EFHB: variants seen among roughly 807,000 people sequenced by gnomAD.
EFHB encodes the protein EF-hand domain family member B.
Under a neutral mutation model 87.2 loss-of-function variants are expected in EFHB, and 91 were observed. The observed-to-expected ratio is 1.04, with a 90% CI of 0.88 to 1.24. EFHB has a LOEUF of 1.24. Among genes scored for constraint, EFHB ranks in the 50% most tolerant of loss-of-function variants. EFHB has a pLI of 0.00. For synonymous variants in EFHB, 325 were observed against 333.6 expected (o/e 0.97, Z 0.28); for missense variants, 1,084 against 998.8 (o/e 1.09, Z -1.15).
Position 19,885,051 on chromosome 3 carries a change from G to A in EFHB, c.1934-436C>T, listed in dbSNP as rs561408737. ...AGCCTGGCCAACATGATGAAACCCC[G>A]TCTCTATTAAAAATATAAAAGTTAG... On this transcript the variant is annotated intron_variant, in intron 10 of 12. Transcript: ENST00000295824. Among the ~76,000 whole-genome samples the A allele has an allele frequency of 5.3e-5, 8 of 151,738 alleles. No homozygotes were observed. In the South Asian group the frequency reaches 8.3e-4, roughly 16 times the overall value.
At position 19,915,290 on chromosome 3, in the gene EFHB, G is replaced by T; in HGVS notation, c.1288+13C>A. 6.3e-7 allele frequency: 1 copy of T among 1,576,820 alleles called. No individual in the cohort carries two copies. Among genetic ancestry groups the T allele is most frequent in the African/African-American group, 1.4e-5 (1 of 73,998 alleles). ...CATATCCTCAGGCCCATTTTGCATCGGAGGACACTTACCTGCATAATAATC... is the reference window on the plus strand; with the variant it reads ...CATATCCTCAGGCCCATTTTGCATCTGAGGACACTTACCTGCATAATAATC... On this transcript the variant is annotated intron_variant, in intron 5 of 12. Coordinates refer to ENST00000295824, the MANE Select transcript of EFHB (RefSeq NM_144715.4).
rs1172072917 is a variant in EFHB, at chr3:19,885,096, C to A, written c.1934-481G>T. Among the ~76,000 whole-genome samples, 3 of 152,060 alleles carry A rather than the reference C, an allele frequency of 2.0e-5. No homozygotes were observed. The East Asian group carries it at 5.8e-4, about 29-fold the overall frequency. Reference sequence around the variant, plus strand: ...AGTTAGTCAGGCATGGTGGCAGGCGCCTGTAACCCCAGCTACTCAGGAGGC... The same window carrying A: ...AGTTAGTCAGGCATGGTGGCAGGCGACTGTAACCCCAGCTACTCAGGAGGC... On this transcript the variant is annotated intron_variant, in intron 10 of 12. Coordinates refer to ENST00000295824, the MANE Select transcript of EFHB (RefSeq NM_144715.4).
intron 10 of EFHB, among the ~76,000 whole-genome samples, chr3:19,886,159 T>C (rs1481488189): frequency 6.6e-6 from 1 of 152,154 alleles, no homozygotes; most frequent in African/African-American, 2.4e-5. Context: ...AGAAGGAAGC[T>C]CTGTCACCCC....
At chr3:19,936,633 C>G (rs1238104102), upstream of EFHB, among the ~76,000 whole-genome samples, 1 of 152,014 alleles carries the variant, frequency 6.6e-6, no homozygotes, top group Non-Finnish European at 1.5e-5. Flanking sequence ...TGTGGGAGGC[C>G]TAGGCGGGTG....
intron 1 of EFHB, chr3:19,940,333 G>C (rs1364737025): frequency 1.2e-5 from 4 of 324,448 alleles, no homozygotes; most frequent in Non-Finnish European, 2.5e-5. Context: ...GAATCCCCTA[G>C]GCATTCCTCC....
At chr3:19,896,903 T>G (rs563000651) in intron 8 of EFHB, 62 bp from the exon 9 acceptor site, 3 of 1,434,426 alleles carry the variant, frequency 2.1e-6, no homozygotes, top group South Asian at 2.9e-5. Flanking sequence ...ATTTCTATCT[T>G]TTAAAAAAAG....
intron 1 of EFHB, among the ~76,000 whole-genome samples, chr3:19,926,596 T>G (rs1013533570): frequency 1.3e-5 from 2 of 151,916 alleles, no homozygotes; most frequent in Non-Finnish European, 2.9e-5. Flanking sequence ...ATCTCCTGAC[T>G]TCGTGATCCC....
chr3:19,897,032 T>C (rs1372976632), intron 8 of EFHB, among the ~76,000 whole-genome samples, 191 bp from the exon 9 acceptor site: 1 of 152,216 alleles, frequency 6.6e-6, no homozygotes, highest in Non-Finnish European at 1.5e-5. Context: ...AAAATTAATA[T>C]TCCTGGTTTA....
intron 1 of EFHB, among the ~76,000 whole-genome samples, chr3:19,923,135 C>T (rs1028430004): frequency 6.6e-6 from 1 of 151,956 alleles, no homozygotes; most frequent in Non-Finnish European, 1.5e-5. Context: ...GGCATGGTGG[C>T]GCATGCCTGT....
intron 6 of EFHB, among the ~76,000 whole-genome samples, chr3:19,902,573 C>T (rs1373884446): frequency 6.6e-6 from 1 of 151,906 alleles, no homozygotes; most frequent in East Asian, 2.0e-4. Context: ...AGGCTGGTCT[C>T]GAACTCCTGA....
rs948609204 is a variant in EFHB, at chr3:19,918,507, C to T, written c.997-95G>A. ...CAATAGCTGGGGAGAGGAGACTGTA[C>T]GATTGTGGGAAAACATTTCATTATC... On this transcript the variant is annotated intron_variant, in intron 3 of 12. Coordinates refer to ENST00000295824, the MANE Select transcript of EFHB (RefSeq NM_144715.4). 6.1e-6 allele frequency: 7 copies of T among 1,143,380 alleles called. No homozygotes were observed. In the Middle Eastern group the frequency reaches 9.2e-4, roughly 150 times the overall value. 70.8% of individuals were successfully genotyped at this position (1,143,380 alleles called of 1,614,324 possible). A position where few individuals can be genotyped will look rare whatever the true frequency, so the allele number is the denominator to read the frequency against.
At chr3:19,896,582 G>T in intron 9 of EFHB, 105 bp downstream of exon 9, 1 of 1,428,708 alleles carries the variant, frequency 7.0e-7, no homozygotes, top group Non-Finnish European at 9.8e-7. Context: ...CAAACAGTGG[G>T]CTGGATTTGG....
At chr3:19,894,439 T>C (rs1484191965) in intron 9 of EFHB, 2 of 152,356 alleles carry the variant, frequency 1.3e-5, no homozygotes, top group East Asian at 1.9e-4. Flanking sequence ...ATGCTTGATG[T>C]ATTATGATTA....
chr3:19,915,289 C>T lies in EFHB; in HGVS notation c.1288+14G>A, dbSNP rs750726180. The T allele has an allele frequency of 3.0e-5, 48 of 1,575,150 alleles. No homozygotes were observed. The highest frequency in any genetic ancestry group is 1.0e-4 in the Admixed American group (6 of 58,494). On this transcript the variant is annotated intron_variant, in intron 5 of 12. Transcript: ENST00000295824. ...CCATATCCTCAGGCCCATTTTGCAT[C>T]GGAGGACACTTACCTGCATAATAAT...
chr3:19,896,356 TG>T (rs1694480246), intron 9 of EFHB, among the ~76,000 whole-genome samples: 1 of 152,186 alleles, frequency 6.6e-6, no homozygotes, highest in African/African-American at 2.4e-5. Context: ...ATAGTGATGG[TG>T]GTAGTGGAAC....
rs2929343 is a variant in EFHB, at chr3:19,939,922, A to C, written c.-31-3588T>G. ...ACACTCTGGCACCCTCCAACAACTT[A>C]GTGTTATAGATTTGATTGTATCTCC... On this transcript the variant is annotated intron_variant, in intron 1 of 14. Transcript: ENST00000344838. Among the ~76,000 whole-genome samples, 26 of 152,110 alleles carry C rather than the reference A, an allele frequency of 1.7e-4. 1 individual carries two copies. In the South Asian group the frequency reaches 5.4e-3, roughly 32 times the overall value.
intron 5 of EFHB, among the ~76,000 whole-genome samples, chr3:19,908,387 G>T (rs1013500215): frequency 6.6e-6 from 1 of 151,932 alleles, no homozygotes; most frequent in African/African-American, 2.4e-5. Context: ...ACAGAAATTA[G>T]CCAGGCATGG....
chr3:19,905,553 A>T, intron 6 of EFHB, 67 bp downstream of exon 6: 3 of 1,526,058 alleles, frequency 2.0e-6, no homozygotes, highest in Non-Finnish European at 2.7e-6. Flanking sequence ...ATAAAGTTTA[A>T]AAATCAACTT....
chr3:19,883,873 T>C (rs888863952), intron 11 of EFHB, among the ~76,000 whole-genome samples: 1 of 152,124 alleles, frequency 6.6e-6, no homozygotes, highest in Non-Finnish European at 1.5e-5. Flanking sequence ...CAGATTCTCC[T>C]TTACAATCCA....
Sources: allele counts gnomAD v4.1 joint callset (sites outside exome capture counted in the v4.1 genomes callset), GRCh38; gene constraint gnomAD v4.1.1; transcripts MANE v1.5; gene names NCBI Gene and HGNC (gene_info 2026-07-23, HGNC 2026-07-21).